TASP1: variants seen among roughly 807,000 people sequenced by gnomAD.
TASP1 encodes taspase 1, also known as threonine aspartase 1.
A neutral mutation model predicts 56.6 loss-of-function variants in TASP1; 16 were observed. The observed-to-expected ratio is 0.28, with a 90% confidence interval of 0.19 to 0.43. The LOEUF (loss-of-function observed/expected upper bound fraction) is 0.43, where lower values mean the gene tolerates loss of function less well. Among genes scored for constraint, TASP1 ranks in the 20% least tolerant of loss-of-function variants. TASP1 has a pLI of 1.00. For missense variants in TASP1, 393 were observed against 511.6 expected (o/e 0.77, Z 2.24); for synonymous variants, 179 against 184.2 (o/e 0.97, Z 0.23).
At chr20:13,617,104 G>A (rs1702282712) in intron 4 of TASP1, 2 of 455,250 alleles carry the variant, frequency 4.4e-6, no homozygotes, top group Non-Finnish European at 8.8e-6. Context: ...ACTCCATGAA[G>A]TGTAACTGTG....
intron 10 of TASP1, among the ~76,000 whole-genome samples, chr20:13,517,373 A>G (rs1472740492): frequency 6.6e-6 from 1 of 152,158 alleles, no homozygotes; most frequent in Non-Finnish European, 1.5e-5. Context: ...CTCATGATGC[A>G]TGGAAAGATA....
intron 7 of TASP1, among the ~76,000 whole-genome samples, chr20:13,566,673 T>C (rs1450761299): frequency 6.6e-6 from 1 of 151,870 alleles, no homozygotes; most frequent in African/African-American, 2.4e-5. Context: ...GGGGTTAAGG[T>C]GGGAAAGAAG....
intron 4 of TASP1, among the ~76,000 whole-genome samples, chr20:13,616,195 T>A (rs2048518392): frequency 6.6e-6 from 1 of 152,218 alleles, no homozygotes; most frequent in African/African-American, 2.4e-5. Flanking sequence ...GAAGACATTT[T>A]ACACTCAAAA....
At chr20:13,449,554 TA>T (rs2043538913) in intron 11 of TASP1, among the ~76,000 whole-genome samples, 1 of 152,128 alleles carries the variant, frequency 6.6e-6, no homozygotes, top group Non-Finnish European at 1.5e-5. Context: ...AGTAAATAAA[TA>T]AATCTATTTT....
At chr20:13,170,631 C>T in the TASP1 span, among the ~76,000 whole-genome samples, 20 of 152,172 alleles carry the variant, frequency 1.3e-4, no homozygotes, top group Non-Finnish European at 2.8e-4. Context: ...TTTATTCAGC[C>T]CAGCTGCTAA....
intron 6 of TASP1, among the ~76,000 whole-genome samples, chr20:13,576,327 G>GAGAA (rs1328442805): frequency 8.1e-6 from 1 of 122,722 alleles, no homozygotes; most frequent in Non-Finnish European, 1.7e-5. Flanking sequence ...AGAAAGAAAA[G>GAGAA]AGAAAGAAAG....
chr20:13,494,134 T>G (rs17226670), intron 10 of TASP1, among the ~76,000 whole-genome samples: 17,777 of 152,234 alleles, frequency 0.12, 1,523 homozygotes, highest in Non-Finnish European at 0.17. Flanking sequence ...TAATGTTCAG[T>G]TGATGCTCTT....
intron 12 of TASP1, among the ~76,000 whole-genome samples, chr20:13,428,216 T>C (rs1031534623): frequency 2.0e-5 from 3 of 152,234 alleles, no homozygotes; most frequent in African/African-American, 7.2e-5. Flanking sequence ...TCATAGGGTC[T>C]ATCAGGCTCC....
At chr20:13,114,294 T>G in the TASP1 span, among the ~76,000 whole-genome samples, 1 of 152,372 alleles carries the variant, frequency 6.6e-6, no homozygotes, top group Admixed American at 6.5e-5. Flanking sequence ...CTGAACTGTA[T>G]GTTTTCATTA....
chr20:13,626,723 T>C (rs2048905370), intron 2 of TASP1, among the ~76,000 whole-genome samples: 1 of 152,132 alleles, frequency 6.6e-6, no homozygotes, highest in Non-Finnish European at 1.5e-5. Flanking sequence ...TCTTCATGGT[T>C]CTCTAAGAAC....
the TASP1 span, among the ~76,000 whole-genome samples, chr20:13,361,257 C>T: frequency 1.3e-5 from 2 of 152,268 alleles, no homozygotes; most frequent in Admixed American, 6.5e-5. Flanking sequence ...TACAGGCCTT[C>T]CCTATAGGGT....
chr20:13,336,765 C>CA, the TASP1 span, among the ~76,000 whole-genome samples: 1 of 151,582 alleles, frequency 6.6e-6, no homozygotes, highest in South Asian at 2.1e-4. Context: ...TTTTGTATCT[C>CA]AAAAATCTCA....
At chr20:13,241,490 T>C in the TASP1 span, among the ~76,000 whole-genome samples, 1 of 152,084 alleles carries the variant, frequency 6.6e-6, no homozygotes, top group Admixed American at 6.5e-5. Context: ...TGTGTGAGCA[T>C]TGGCCTTTCA....
chr20:13,197,457 T>C, the TASP1 span, among the ~76,000 whole-genome samples: 1 of 152,168 alleles, frequency 6.6e-6, no homozygotes, highest in Non-Finnish European at 1.5e-5. Flanking sequence ...CTGAATCCCA[T>C]AACTGCCACT....
At chr20:13,496,060 T>G (rs2043712368) in intron 10 of TASP1, among the ~76,000 whole-genome samples, 1 of 152,112 alleles carries the variant, frequency 6.6e-6, no homozygotes, top group South Asian at 2.1e-4. Flanking sequence ...TTTGATTTTT[T>G]TTTTCTTCCT....
chr20:13,422,582 G>A (rs188388724), intron 12 of TASP1, among the ~76,000 whole-genome samples: 1 of 152,222 alleles, frequency 6.6e-6, no homozygotes, highest in African/African-American at 2.4e-5. Context: ...CTGCCTAAAT[G>A]AAGCTTATCC....
In TASP1 at chr20:13,455,735, G is replaced by A. The variant is rs570254073; in HGVS notation, c.986-20581C>T. Reference sequence around the variant, plus strand: ...GATTACAGAGGACTGACAATTAACAGCAGAAACCATAACCAACACCCTGGT... The same window carrying A: ...GATTACAGAGGACTGACAATTAACAACAGAAACCATAACCAACACCCTGGT... On this transcript the variant is annotated intron_variant, in intron 11 of 13. Transcript: ENST00000337743. 2.6e-5 allele frequency among the ~76,000 whole-genome samples: 4 copies of A among 152,260 alleles called. No homozygotes were observed. The South Asian group carries it at 8.3e-4, about 32-fold the overall frequency.
chr20:13,490,904 T>C (rs1393594306), intron 10 of TASP1, among the ~76,000 whole-genome samples: 2 of 152,038 alleles, frequency 1.3e-5, no homozygotes, highest in African/African-American at 4.8e-5. Flanking sequence ...TAGCATGGAG[T>C]TGACCATAGA....
At chr20:13,120,355 A>G in the TASP1 span, among the ~76,000 whole-genome samples, 9 of 152,224 alleles carry the variant, frequency 5.9e-5, no homozygotes, top group African/African-American at 1.9e-4. Flanking sequence ...AACAAAATTG[A>G]ACATAAAAAA....
Sources: allele counts gnomAD v4.1 joint callset (sites outside exome capture counted in the v4.1 genomes callset), GRCh38; gene constraint gnomAD v4.1.1; transcripts MANE v1.5; gene names NCBI Gene and HGNC (gene_info 2026-07-23, HGNC 2026-07-21).